CNTN5: variants seen among roughly 807,000 people sequenced by gnomAD.
CNTN5 encodes contactin 5, also known as contactin-5.
In CNTN5, 77 loss-of-function variants were observed where a neutral mutation model predicts 129.1. The ratio of observed to expected loss-of-function variants is 0.60; its 90% confidence interval spans 0.50 to 0.72. The LOEUF (loss-of-function observed/expected upper bound fraction) is 0.72. Among genes scored for constraint, CNTN5 ranks in the 30% least tolerant of loss-of-function variants. The probability of loss-of-function intolerance (pLI) is 0.00; values close to 1 mark genes in which losing one functional copy is unlikely to be tolerated. For missense variants in CNTN5, 1,478 were observed against 1,328.8 expected (o/e 1.11, Z -1.75); for synonymous variants, 509 against 465.6 (o/e 1.09, Z -1.20).
chr11:99,449,854 A>G (rs1944227148), intron 2 of CNTN5, among the ~76,000 whole-genome samples: 1 of 152,238 alleles, frequency 6.6e-6, no homozygotes, highest in Non-Finnish European at 1.5e-5. Flanking sequence ...GACTAAAGCA[A>G]GTCTGTTGGC....
intron 16 of CNTN5, among the ~76,000 whole-genome samples, chr11:100,238,968 A>C (rs578056690): frequency 6.6e-6 from 1 of 152,314 alleles, no homozygotes; most frequent in African/African-American, 2.4e-5. Context: ...AACATGTCTC[A>C]GATTGGCACG....
At chr11:99,772,154 ATTAC>A (rs1944968786) in intron 3 of CNTN5, among the ~76,000 whole-genome samples, 1 of 151,138 alleles carries the variant, frequency 6.6e-6, no homozygotes, top group South Asian at 2.1e-4. Flanking sequence ...TACTACATCA[ATTAC>A]TTCATTTTTT....
intron 9 of CNTN5, among the ~76,000 whole-genome samples, chr11:100,041,936 A>C (rs1469066132): frequency 6.6e-6 from 1 of 152,192 alleles, no homozygotes; most frequent in Non-Finnish European, 1.5e-5. Flanking sequence ...ACACGTTCTG[A>C]GTCAAGAATC....
rs116366711 is a variant in CNTN5 at position 99,339,966 on chromosome 11, C to T, written c.-71+14482C>T. 7.0e-3 allele frequency among the ~76,000 whole-genome samples: 1,058 copies of T among 151,866 alleles called. 19 individuals carry two copies. Among genetic ancestry groups the T allele is most frequent in the African/African-American group, 0.024 (1,000 of 41,422 alleles). ...TGTGTGGACTTTGGTTTTCACCCTC[C>T]GTAAGGGTATATATAGCAAGCTGGT... On this transcript the variant is annotated intron_variant, in intron 2 of 24. Coordinates refer to ENST00000524871, the MANE Select transcript of CNTN5 (RefSeq NM_014361.4).
In CNTN5 at chr11:100,018,707, G is replaced by A. The variant is rs117440816; in HGVS notation, c.980+16571G>A. On this transcript the variant is annotated intron_variant, in intron 9 of 24. Coordinates refer to ENST00000524871, the MANE Select transcript of CNTN5 (RefSeq NM_014361.4). ...ATACTTATGAGTGGAATGGCTAAACGATATGGTAGGAGTATGTGTAGCTAT... is the reference window on the plus strand; with the variant it reads ...ATACTTATGAGTGGAATGGCTAAACAATATGGTAGGAGTATGTGTAGCTAT... 1.0e-3 allele frequency among the ~76,000 whole-genome samples: 158 copies of A among 152,062 alleles called. 2 individuals are homozygous for A. The East Asian group carries it at 0.027, about 26-fold the overall frequency.
chr11:99,165,646 A>T (rs1386643107), intron 1 of CNTN5, among the ~76,000 whole-genome samples: 1 of 152,180 alleles, frequency 6.6e-6, no homozygotes, highest in East Asian at 1.9e-4. Flanking sequence ...GATTTGAGAG[A>T]TGCTTGACTT....
intron 21 of CNTN5, 64 bp downstream of exon 21, chr11:100,308,532 G>C: frequency 6.6e-7 from 1 of 1,517,754 alleles, no homozygotes; most frequent in Non-Finnish European, 8.9e-7. Flanking sequence ...CTCCTAAAGA[G>C]AGGTTTTGGT....
At chr11:99,876,023 A>C (rs1328278198) in intron 6 of CNTN5, among the ~76,000 whole-genome samples, 1 of 152,144 alleles carries the variant, frequency 6.6e-6, no homozygotes, top group Admixed American at 6.5e-5. Flanking sequence ...TACTAGCACA[A>C]AATTAGGAAT....
chr11:99,782,878 G>A (rs1387994206), intron 3 of CNTN5, among the ~76,000 whole-genome samples: 1 of 151,764 alleles, frequency 6.6e-6, no homozygotes, highest in African/African-American at 2.4e-5. Flanking sequence ...AAAAACCCTA[G>A]AAGAAAACCT....
intron 2 of CNTN5, among the ~76,000 whole-genome samples, chr11:99,383,417 G>C (rs1242485365): frequency 6.6e-6 from 1 of 152,176 alleles, no homozygotes; most frequent in Non-Finnish European, 1.5e-5. Flanking sequence ...GTACTACACA[G>C]AAAATATTGA....
At chr11:99,365,503 G>A (rs191206241) in intron 2 of CNTN5, among the ~76,000 whole-genome samples, 48 of 152,248 alleles carry the variant, frequency 3.2e-4, no homozygotes, top group African/African-American at 1.2e-3. Flanking sequence ...GAGGCTTAGA[G>A]CCACTCCAGT....
At chr11:99,378,981 T>A (rs548928222) in intron 2 of CNTN5, among the ~76,000 whole-genome samples, 1 of 152,136 alleles carries the variant, frequency 6.6e-6, no homozygotes, top group South Asian at 2.1e-4. Context: ...TCATAAGTCT[T>A]TTTTTAGTCT....
At chr11:99,722,539 A>G (rs1224704347) in intron 3 of CNTN5, among the ~76,000 whole-genome samples, 1 of 152,164 alleles carries the variant, frequency 6.6e-6, no homozygotes, top group East Asian at 1.9e-4. Context: ...TGTGCTTAAT[A>G]CCTGGGTAAT....
intron 6 of CNTN5, among the ~76,000 whole-genome samples, chr11:99,875,214 T>C (rs1169979420): frequency 6.6e-6 from 1 of 152,156 alleles, no homozygotes; most frequent in African/African-American, 2.4e-5. Flanking sequence ...TCTCTCCTAA[T>C]TATTCTTTAA....
At chr11:99,493,047 C>G (rs1283709133) in intron 2 of CNTN5, among the ~76,000 whole-genome samples, 6 of 152,152 alleles carry the variant, frequency 3.9e-5, no homozygotes, top group Non-Finnish European at 4.4e-5. Context: ...ATGCAGGAGA[C>G]TGTTTGAAAG....
intron 2 of CNTN5, among the ~76,000 whole-genome samples, chr11:99,472,779 A>C (rs909270469): frequency 7.9e-5 from 12 of 151,844 alleles, no homozygotes; most frequent in Non-Finnish European, 1.3e-4. Context: ...AGCGATTCTT[A>C]TTCCTCACCC....
chr11:99,295,749 G>A (rs563309882), intron 1 of CNTN5, among the ~76,000 whole-genome samples: 3 of 151,830 alleles, frequency 2.0e-5, no homozygotes, highest in Admixed American at 6.6e-5. Context: ...GGTGGCGGGC[G>A]CCTGTAGTCC....
intron 6 of CNTN5, among the ~76,000 whole-genome samples, chr11:99,869,270 A>C (rs1948438189): frequency 6.6e-6 from 1 of 152,186 alleles, no homozygotes; most frequent in South Asian, 2.1e-4. Flanking sequence ...TGGGATACAC[A>C]GAGGAAATTA....
intron 13 of CNTN5, among the ~76,000 whole-genome samples, chr11:100,139,655 G>A (rs1946629205): frequency 1.3e-5 from 2 of 152,136 alleles, no homozygotes; most frequent in East Asian, 3.9e-4. Context: ...CTTGAGGTCA[G>A]GAGTTCATGA....
Sources: allele counts gnomAD v4.1 joint callset (sites outside exome capture counted in the v4.1 genomes callset), GRCh38; gene constraint gnomAD v4.1.1; transcripts MANE v1.5; gene names NCBI Gene and HGNC (gene_info 2026-07-23, HGNC 2026-07-21).